RHCE: variants seen among roughly 807,000 people sequenced by gnomAD.
RHCE encodes blood group Rh(CE) polypeptide.
RHCE carries 22 observed loss-of-function variants against 43.8 expected under a neutral mutation model. That is an observed-to-expected ratio of 0.50 (90% confidence interval 0.36 to 0.72). The LOEUF (loss-of-function observed/expected upper bound fraction) is 0.72, where lower values mean the gene tolerates loss of function less well. Ranked by LOEUF, RHCE falls within the 30% of genes least tolerant of loss-of-function variation. The probability of loss-of-function intolerance (pLI) is 0.00; values close to 1 mark genes in which losing one functional copy is unlikely to be tolerated. For missense variants in RHCE, 385 were observed against 525.4 expected (o/e 0.73, Z 2.61); for synonymous variants, 156 against 210.7 (o/e 0.74, Z 2.25).
At chr1:25,411,137 G>A (rs571824548) in intron 1 of RHCE, among the ~76,000 whole-genome samples, 2 of 151,674 alleles carry the variant, frequency 1.3e-5, no homozygotes, top group Non-Finnish European at 2.9e-5. Context: ...ATCAATTTAC[G>A]TGTTTCAACT....
At chr1:25,425,786 T>C (rs941139127), upstream of RHCE, among the ~76,000 whole-genome samples, 11 of 152,178 alleles carry the variant, frequency 7.2e-5, no homozygotes, top group African/African-American at 2.4e-4. Context: ...CATGCCCTCC[T>C]ACCTGAGTCA....
intron 1 of RHCE, among the ~76,000 whole-genome samples, chr1:25,417,916 C>T (rs75192932): frequency 9.8e-5 from 15 of 152,304 alleles, no homozygotes; most frequent in East Asian, 7.7e-4. Context: ...TCCGCCATGA[C>T]CCAAACCCAA....
At position 25,420,739 on chromosome 1, in the gene RHCE, G is replaced by A. The variant is rs586178; in HGVS notation, c.48C>T (p.Cys16=). The A allele has an allele frequency of 9.8e-6, 15 of 1,525,786 alleles. 1 individual carries two copies. The East Asian group carries it at 1.4e-4, about 14-fold the overall frequency. 94.5% of individuals were successfully genotyped at this position (1,525,786 alleles called of 1,614,324 possible). A position where few individuals can be genotyped will look rare whatever the true frequency, so the allele number is the denominator to read the frequency against. ...TGAGAGCTGCTTCCAGTGTTAGGGCGCAGAGGGGCAGGCAGCGCCGGACAG... is the reference window on the plus strand; with the variant it reads ...TGAGAGCTGCTTCCAGTGTTAGGGCACAGAGGGGCAGGCAGCGCCGGACAG... ...PRSVRRCLPL[C]ALTLEAALIL... The change falls in exon 1 of 10, where the codon TGC becomes TGT. Residue 16 remains cysteine, a synonymous_variant. Transcript: ENST00000294413.
At chr1:25,412,690 A>G (rs1413038426) in intron 1 of RHCE, among the ~76,000 whole-genome samples, 12 of 141,992 alleles carry the variant, frequency 8.5e-5, no homozygotes, top group Admixed American at 3.0e-4. Context: ...CCAGCAGCCT[A>G]GGCGACAGAG....
upstream of RHCE, among the ~76,000 whole-genome samples, chr1:25,425,607 G>C (rs2042799537): frequency 6.6e-6 from 1 of 152,216 alleles, no homozygotes; most frequent in Non-Finnish European, 1.5e-5. Flanking sequence ...CAGCAGGCCT[G>C]GCAGCCTGAG....
At chr1:25,375,918 G>A (rs1159473521) in intron 7 of RHCE, among the ~76,000 whole-genome samples, 1 of 148,246 alleles carries the variant, frequency 6.7e-6, no homozygotes, top group Non-Finnish European at 1.5e-5. Context: ...TGTGCCTCAA[G>A]TAGCTGGGAC....
chr1:25,394,529 A>G (rs888586602), intron 3 of RHCE, among the ~76,000 whole-genome samples: 2 of 150,868 alleles, frequency 1.3e-5, no homozygotes, highest in Non-Finnish European at 3.0e-5. Context: ...TCTCCATTTT[A>G]TTTTTCTCTG....
At chr1:25,411,774 T>C (rs1557639680) in intron 1 of RHCE, among the ~76,000 whole-genome samples, 1 of 152,154 alleles carries the variant, frequency 6.6e-6, no homozygotes, top group African/African-American at 2.4e-5. Context: ...GCAGGAAATA[T>C]GTATATGAAG....
rs780664726 is a variant in RHCE, at chr1:25,392,040, C to T, written c.588G>A (p.Glu196=). The change falls in exon 4 of 10, where the codon GAG becomes GAA. Residue 196 remains glutamate, a synonymous_variant. Transcript: ENST00000294413. ...CLPKPLPKGT[E]DNDQRATIPS... is the part of the protein sequence containing the mutation. Reference sequence around the variant, plus strand: ...GTATCGTTGCTCTCTGATCATTATCCTCCGTTCCCTTGGGTAGAGGCTTTG... The same window carrying T: ...GTATCGTTGCTCTCTGATCATTATCTTCCGTTCCCTTGGGTAGAGGCTTTG... 6.2e-7 allele frequency: 1 copy of T among 1,614,174 alleles called. No individual in the cohort carries two copies. Among genetic ancestry groups the T allele is most frequent in the Admixed American group, 1.7e-5 (1 of 60,026 alleles).
chr1:25,426,985 AG>A (rs2042809308), intron 2 of RHCE, among the ~76,000 whole-genome samples: 1 of 151,996 alleles, frequency 6.6e-6, no homozygotes, highest in Non-Finnish European at 1.5e-5. Context: ...TGAACCCAGG[AG>A]GCAGAGATTG....
rs557719485 is a variant in RHCE at position 25,386,401 on chromosome 1, A to T, written c.940-557T>A. Among the ~76,000 whole-genome samples, 17 of 152,302 alleles carry T rather than the reference A, an allele frequency of 1.1e-4. No homozygotes were observed. In the South Asian group the frequency reaches 3.3e-3, roughly 30 times the overall value. ...AGAAAGCATGAGGCCACACCTCTAG[A>T]TCCCTACTCAGTAATCCTTCCTCCC... On this transcript the variant is annotated intron_variant, in intron 6 of 9. Coordinates refer to ENST00000294413, the MANE Select transcript of RHCE (RefSeq NM_020485.8).
Position 25,390,736 on chromosome 1 carries a change from G to T in RHCE, c.801+13C>A. ...TAGACCCAAGTGCTGCCCAAGGGCA[G>T]CGCCCTGCTCACCATGCTGATCTTC... On this transcript the variant is annotated intron_variant, in intron 5 of 9. Transcript: ENST00000294413. 2.5e-6 allele frequency: 4 copies of T among 1,614,218 alleles called. No homozygotes were observed. Among genetic ancestry groups the T allele is most frequent in the East Asian group, 2.2e-5 (1 of 44,884 alleles).
chr1:25,411,112 T>TAAATA, intron 1 of RHCE, among the ~76,000 whole-genome samples: 1 of 151,552 alleles, frequency 6.6e-6, no homozygotes, highest in East Asian at 1.9e-4. Context: ...AATAAATAAA[T>TAAATA]AAATAAAATA....
At chr1:25,375,849 A>C (rs1286581835) in intron 7 of RHCE, among the ~76,000 whole-genome samples, 1 of 129,692 alleles carries the variant, frequency 7.7e-6, no homozygotes, top group Non-Finnish European at 1.6e-5. Flanking sequence ...TCTGTCGTCC[A>C]GACTGGAGTG....
chr1:25,414,705 G>T (rs534335863), intron 1 of RHCE, among the ~76,000 whole-genome samples: 1 of 152,286 alleles, frequency 6.6e-6, no homozygotes, highest in East Asian at 1.9e-4. Context: ...CAGTTTGGTA[G>T]CCTTAGGGAA....
In RHCE at chr1:25,371,636, G is replaced by T. The variant is rs546947846; in HGVS notation, c.1154-1096C>A. On this transcript the variant is annotated intron_variant, in intron 8 of 9. Transcript: ENST00000294413. ...GATCTGCCCGCCTTTGCCTTCTAAA[G>T]GGCTGCAATTACAGGTGTGAGCCAC... 1.1e-4 allele frequency among the ~76,000 whole-genome samples: 17 copies of T among 151,650 alleles called. No homozygotes were observed. The South Asian group carries it at 3.1e-3, about 28-fold the overall frequency.
intron 1 of RHCE, among the ~76,000 whole-genome samples, chr1:25,429,533 A>G (rs2042833583): frequency 6.6e-6 from 1 of 152,218 alleles, no homozygotes; most frequent in South Asian, 2.1e-4. Context: ...AAGCTACTGG[A>G]TAGGACATTC....
upstream of RHCE, among the ~76,000 whole-genome samples, chr1:25,425,815 G>T (rs1003659955): frequency 1.3e-5 from 2 of 152,194 alleles, no homozygotes; most frequent in African/African-American, 4.8e-5. Context: ...CACTGGCAGT[G>T]ACCAATGAGG....
chr1:25,382,455 T>G (rs192528174), intron 7 of RHCE, among the ~76,000 whole-genome samples: 7 of 143,488 alleles, frequency 4.9e-5, no homozygotes, highest in Admixed American at 4.7e-4. Context: ...AGTTGGGTTT[T>G]TTTTTTTAAG....
Sources: allele counts gnomAD v4.1 joint callset (sites outside exome capture counted in the v4.1 genomes callset), GRCh38; gene constraint gnomAD v4.1.1; transcripts MANE v1.5; gene names NCBI Gene and HGNC (gene_info 2026-07-23, HGNC 2026-07-21).